The following POLR3A variants were observed in gnomAD, a reference collection of about 807,000 sequenced individuals.
POLR3A encodes the protein DNA-directed RNA polymerase III subunit RPC1.
Under a neutral mutation model 152.8 loss-of-function variants are expected in POLR3A, and 112 were observed. That is an observed-to-expected ratio of 0.73 (90% confidence interval 0.63 to 0.86). POLR3A has a LOEUF of 0.86. POLR3A is among the 40% of genes least tolerant of loss of function. The pLI, the probability that POLR3A is intolerant of heterozygous loss-of-function variation, is 0.00. For synonymous variants in POLR3A, 615 were observed against 652.1 expected, an observed-to-expected ratio of 0.94 and a Z score of 0.87; for missense variants, 1,385 against 1,743.1, an observed-to-expected ratio of 0.79 and a Z score of 3.66.
chr10:78,018,129 T>C (rs1240248214), intron 9 of POLR3A, among the ~76,000 whole-genome samples: 1 of 150,692 alleles, frequency 6.6e-6, no homozygotes, highest in Admixed American at 6.6e-5. Flanking sequence ...TGAGCCATGA[T>C]TGTGCCATTG....
intron 11 of POLR3A, among the ~76,000 whole-genome samples, chr10:78,011,645 A>C (rs1847467444): frequency 6.6e-6 from 1 of 151,976 alleles, no homozygotes; most frequent in Admixed American, 6.6e-5. Context: ...TGGTTTAGAG[A>C]CTCTCTCTGA....
chr10:77,980,326 C>G lies in POLR3A; in HGVS notation c.3892-53G>C, dbSNP rs16935499. 1.7e-3 allele frequency: 2,751 copies of G among 1,592,410 alleles called. 29 individuals are homozygous for G. The African/African-American group carries it at 0.03, about 18-fold the overall frequency. The stretch of plus-strand genomic sequence containing the variant: ...GGTACTCACACCAATGGCAAAAGCT[C>G]GAAACCAAAGCACGGTGCACCTTCA... On this transcript the variant is annotated intron_variant, in intron 29 of 30. Coordinates refer to ENST00000372371, the MANE Select transcript of POLR3A (RefSeq NM_007055.4).
rs1428745600 is a variant in POLR3A, at chr10:78,018,222, C to T, written c.1290-506G>A. 1.1e-4 allele frequency among the ~76,000 whole-genome samples: 16 copies of T among 149,030 alleles called. 1 individual carries two copies. Among genetic ancestry groups the T allele is most frequent in the Admixed American group, 7.4e-4 (11 of 14,922 alleles). On this transcript the variant is annotated intron_variant, in intron 9 of 30. Transcript: ENST00000372371. ...AAATTGATCTTAAGATATATCCAGTCGGATGTGGTGGCTCATGGCTGTAAT... is the reference window on the plus strand; with the variant it reads ...AAATTGATCTTAAGATATATCCAGTTGGATGTGGTGGCTCATGGCTGTAAT...
chr10:78,026,669 G>A (rs576462436), intron 1 of POLR3A, among the ~76,000 whole-genome samples: 2 of 152,262 alleles, frequency 1.3e-5, no homozygotes, highest in South Asian at 2.1e-4. Context: ...AAATATTGGT[G>A]CACTGTACCA....
intron 11 of POLR3A, among the ~76,000 whole-genome samples, chr10:78,012,380 A>C (rs984884875): frequency 6.6e-6 from 1 of 151,896 alleles, no homozygotes; most frequent in African/African-American, 2.4e-5. Context: ...AACAAACAAA[A>C]AAAAAAAGAA....
At position 77,993,288 on chromosome 10, in the gene POLR3A, T is replaced by G; in HGVS notation, c.2696A>C (p.Gln899Pro). 1 of 1,612,888 alleles carries G rather than the reference T, an allele frequency of 6.2e-7. No individual in the cohort carries two copies. Among genetic ancestry groups the G allele is most frequent in the African/African-American group, 1.3e-5 (1 of 75,018 alleles). ...TAAGCCATCTCCTCCATAAATGAAC[T>G]GGATAATATCGCCAGTAGAGCTTCG... ...TVRSSTGDIIQFIYGGDGLDP... is the reference protein window; with the variant it reads ...TVRSSTGDIIPFIYGGDGLDP... Residue 899 changes from glutamine to proline, a missense_variant, in exon 20 of 31, where the codon CAG (glutamine) becomes CCG (proline). By Grantham distance (76) the Gln-to-Pro change is moderately conservative. This residue lies in a region of POLR3A where 178 missense variants were observed against 204.6 expected (regional missense o/e 0.87). Transcript: ENST00000372371.
chr10:77,997,003 T>C (rs1468325934), intron 19 of POLR3A, among the ~76,000 whole-genome samples: 3 of 152,152 alleles, frequency 2.0e-5, no homozygotes, highest in African/African-American at 7.2e-5. Flanking sequence ...CAAGGCTGGT[T>C]CCACATACAC....
At chr10:77,982,064 A>AAAAAAAAAAAAAAAAC (rs1847150843) in intron 28 of POLR3A, 90 bp downstream of exon 28, 1 of 799,360 alleles carries the variant, frequency 1.3e-6, no homozygotes, top group African/African-American at 1.8e-5. Context: ...AAAAAAAAAA[A>AAAAAAAAAAAAAAAAC]AAGAAGTATA....
Position 78,003,409 on chromosome 10 carries a change from G to A in POLR3A, c.2248-1101C>T, listed in dbSNP as rs535238764. Among the ~76,000 whole-genome samples the A allele has an allele frequency of 2.0e-5, 3 of 152,278 alleles. No homozygotes were observed. The East Asian group carries it at 5.8e-4, about 29-fold the overall frequency. On this transcript the variant is annotated intron_variant, in intron 16 of 30. Transcript: ENST00000372371. The stretch of plus-strand genomic sequence containing the variant: ...CAAAGCTCAGTGCCACGGGTTTATC[G>A]GTGAGGCAGAAGACGGCCAGGTGAA...
chr10:78,024,777 A>C, intron 4 of POLR3A, 74 bp from the exon 5 acceptor site: 1 of 1,443,026 alleles, frequency 6.9e-7, no homozygotes, highest in East Asian at 2.3e-5. Flanking sequence ...TAGTATGGTT[A>C]ATGAAATTAC....
At chr10:78,024,143 C>G (rs1564623648) in intron 5 of POLR3A, among the ~76,000 whole-genome samples, 1 of 152,048 alleles carries the variant, frequency 6.6e-6, no homozygotes. Flanking sequence ...GCGACTGGAT[C>G]ACCTGTGGTC....
intron 27 of POLR3A, 83 bp from the exon 28 acceptor site, chr10:77,982,401 A>G (rs1847155768): frequency 7.5e-7 from 1 of 1,340,426 alleles, no homozygotes; most frequent in Admixed American, 1.7e-5. Flanking sequence ...AGCTTTCAGC[A>G]GTGGTCATCT....
Position 78,013,755 on chromosome 10 carries a change from A to T in POLR3A, c.1467T>A (p.Asn489Lys), listed in dbSNP as rs769109397. 1.2e-6 allele frequency: 2 copies of T among 1,614,150 alleles called. No individual in the cohort carries two copies. Among genetic ancestry groups the T allele is most frequent in the East Asian group, 4.5e-5 (2 of 44,888 alleles). Residue 489 changes from asparagine to lysine, a missense_variant, in exon 11 of 31, where the codon AAT becomes AAA. Asn to Lys is a moderately conservative substitution (Grantham distance 94, BLOSUM62 0). Coordinates refer to ENST00000372371, the MANE Select transcript of POLR3A (RefSeq NM_007055.4). ...RVKPHRTFRF[N>K]ECVCTPYNAD... ...CATTATAGGGTGTACAGACACACTCATTAAATCTGAAGGTCCGGTGGGGCT... is the reference window on the plus strand; with the variant it reads ...CATTATAGGGTGTACAGACACACTCTTTAAATCTGAAGGTCCGGTGGGGCT...
At chr10:78,011,312 A>T (rs181741951) in intron 11 of POLR3A, among the ~76,000 whole-genome samples, 19 of 152,340 alleles carry the variant, frequency 1.2e-4, no homozygotes, top group Admixed American at 5.2e-4. Context: ...TAATCAATCC[A>T]ACAACAGAAT....
chr10:78,001,173 AAC>A, intron 17 of POLR3A, 79 bp from the exon 18 acceptor site: 1 of 776,762 alleles, frequency 1.3e-6, no homozygotes, highest in Non-Finnish European at 2.3e-6. Context: ...GGAAGGGTAA[AAC>A]AGGAATAGGC....
rs774364817 is a variant in POLR3A, at chr10:78,022,395, G to T, written c.646-11C>A. The T allele has an allele frequency of 3.7e-6, 6 of 1,612,822 alleles. No homozygotes were observed. Among genetic ancestry groups the T allele is most frequent in the Non-Finnish European group, 4.2e-6 (5 of 1,179,888 alleles). The stretch of plus-strand genomic sequence containing the variant: ...GGGATTCAAGTTTTCCTATGGAAAC[G>T]AAGAAAGGCAGAAATGGAGATACTA... On this transcript the variant is annotated splice_polypyrimidine_tract_variant and intron_variant, in intron 5 of 30. Coordinates refer to ENST00000372371, the MANE Select transcript of POLR3A (RefSeq NM_007055.4).
At chr10:78,016,713 C>CA (rs140941978) in intron 10 of POLR3A, among the ~76,000 whole-genome samples, 10,537 of 79,316 alleles carry the variant, frequency 0.13, 1,496 homozygotes, top group African/African-American at 0.38. Context: ...GACTCTGTCT[C>CA]AAAAAAAAAA....
chr10:77,982,571 T>C (rs1564613321), intron 27 of POLR3A, 82 bp downstream of exon 27: 2 of 1,273,312 alleles, frequency 1.6e-6, no homozygotes, highest in East Asian at 4.7e-5. Context: ...TCGGACTAAG[T>C]GACAAAGCCC....
Position 77,977,311 on chromosome 10 carries a change from C to T in POLR3A, c.*167G>A, listed in dbSNP as rs1052039939. ...GTCAGGGTCACTGGTGTGAGCTGCACCCTATCAGAGGAGAAGCTGCTCCTG... is the reference window on the plus strand; with the variant it reads ...GTCAGGGTCACTGGTGTGAGCTGCATCCTATCAGAGGAGAAGCTGCTCCTG... On this transcript the variant is annotated 3_prime_UTR_variant, in exon 31 of 31. Transcript: ENST00000372371. 9.9e-5 allele frequency: 73 copies of T among 734,282 alleles called. No individual in the cohort carries two copies. Among genetic ancestry groups the T allele is most frequent in the Admixed American group, 1.6e-4 (8 of 50,432 alleles). The allele number at this position is 734,282 out of a possible 1,614,324, so 45.5% of individuals were successfully genotyped here.
Sources: allele counts gnomAD v4.1 joint callset (sites outside exome capture counted in the v4.1 genomes callset), GRCh38; gene constraint gnomAD v4.1.1; regional missense constraint gnomAD v4.1.1; transcripts MANE v1.5; gene names NCBI Gene and HGNC (gene_info 2026-07-23, HGNC 2026-07-21).